The following BEGAIN variants were observed in gnomAD, a reference collection of about 807,000 sequenced individuals.
BEGAIN encodes brain-enriched guanylate kinase-associated protein.
In BEGAIN, 19 loss-of-function variants were observed where a neutral mutation model predicts 35.8. That is an observed-to-expected ratio of 0.53 (90% CI 0.37 to 0.78). BEGAIN has a LOEUF of 0.78. Ranked by LOEUF, BEGAIN falls within the 30% of genes least tolerant of loss-of-function variation. BEGAIN has a pLI of 0.00. For synonymous variants in BEGAIN, 462 were observed against 388.6 expected, an observed-to-expected ratio of 1.19 and a Z score of -2.22; for missense variants, 795 against 853.6, an observed-to-expected ratio of 0.93 and a Z score of 0.85.
intron 1 of BEGAIN, chr14:100,577,190 A>T (rs778256991): frequency 2.3e-5 from 9 of 397,716 alleles, no homozygotes; most frequent in Non-Finnish European, 3.5e-5. Flanking sequence ...TTGGCAATTA[A>T]GGTCTTTCCC....
chr14:100,578,637 A>T (rs1326677371), intron 1 of BEGAIN, among the ~76,000 whole-genome samples: 1 of 152,186 alleles, frequency 6.6e-6, no homozygotes, highest in Admixed American at 6.5e-5. Flanking sequence ...AAAAGATCAG[A>T]CAGCCAGCCT....
chr14:100,582,500 C>T (rs965460080), intron 1 of BEGAIN, among the ~76,000 whole-genome samples: 6 of 152,184 alleles, frequency 3.9e-5, no homozygotes, highest in South Asian at 2.1e-4. Context: ...TCTGGGAATC[C>T]GCACACTTGT....
chr14:100,561,263 C>T (rs564097391), intron 2 of BEGAIN, among the ~76,000 whole-genome samples: 14 of 152,208 alleles, frequency 9.2e-5, no homozygotes, highest in African/African-American at 1.4e-4. Context: ...ATGATGTCAC[C>T]GCCCAAGGGG....
rs780718553 is a variant in BEGAIN, at chr14:100,538,198, C to G, written c.1610G>C (p.Gly537Ala). The change falls in exon 7 of 7, where the codon GGG becomes GCG. Residue 537 changes from glycine (G) to alanine (A), a missense_variant. Gly to Ala is a moderately conservative substitution (Grantham distance 60, BLOSUM62 0). Coordinates refer to ENST00000554140, the MANE Select transcript of BEGAIN (RefSeq NM_001385089.1). The part of the protein sequence containing the change: ...DPLPGYAPSE[G>A]GDGDRLGVQL... ...CACCCCGAGCCTGTCCCCGTCCCCC[C>G]CCTCGCTGGGTGCATAGCCGGGCAG... 110 of 1,553,126 alleles carry G rather than the reference C, an allele frequency of 7.1e-5. No homozygotes were observed. The Middle Eastern group carries it at 4.5e-3, about 64-fold the overall frequency.
At chr14:100,579,313 C>T (rs567040982) in intron 1 of BEGAIN, among the ~76,000 whole-genome samples, 32 of 152,340 alleles carry the variant, frequency 2.1e-4, no homozygotes, top group South Asian at 4.1e-4. Context: ...TGAGCAAGAG[C>T]CTTTGGCACA....
At position 100,538,643 on chromosome 14, in the gene BEGAIN, G is replaced by T. The variant is rs775701649; in HGVS notation, c.1165C>A (p.Arg389=). The change falls in exon 7 of 7, where the codon CGG becomes AGG. Residue 389 remains arginine (R), a synonymous_variant. Coordinates refer to ENST00000554140, the MANE Select transcript of BEGAIN (RefSeq NM_001385089.1). ...LEAEVAPGFG[R]TMSPYPAETF... is the part of the protein sequence containing the mutation. ...TCGGCCGGGTACGGTGACATGGTCC[G>T]CCCGAAGCCTGGGGCCACTTCGGCC... 6.5e-7 allele frequency: 1 copy of T among 1,549,724 alleles called. No individual in the cohort carries two copies. The highest frequency in any genetic ancestry group is 1.2e-5 in the South Asian group (1 of 84,100).
intron 1 of BEGAIN, among the ~76,000 whole-genome samples, chr14:100,572,242 T>C (rs2035100995): frequency 6.6e-6 from 1 of 152,234 alleles, no homozygotes; most frequent in African/African-American, 2.4e-5. Flanking sequence ...TCAGTCCTGC[T>C]GTGGCCCCCA....
At position 100,538,415 on chromosome 14, in the gene BEGAIN, C is replaced by T. The variant is rs1292968898; in HGVS notation, c.1393G>A (p.Glu465Lys). 1 of 1,580,924 alleles carries T rather than the reference C, an allele frequency of 6.3e-7. No individual in the cohort carries two copies. Among genetic ancestry groups the T allele is most frequent in the Admixed American group, 1.9e-5 (1 of 54,008 alleles). The change falls in exon 7 of 7, where the codon GAA becomes AAA. Residue 465 changes from glutamate (E) to lysine (K), a missense_variant. Transcript: ENST00000554140. ...AGRASPCSFS[E>K]RYYGGAGGSP... ...CCCCCGGCCCCGCCGTAGTAGCGTTCAGAGAAGCTGCAGGGTGAGGCGCGG... is the reference window on the plus strand; with the variant it reads ...CCCCCGGCCCCGCCGTAGTAGCGTTTAGAGAAGCTGCAGGGTGAGGCGCGG...
rs2034414619 is a variant in BEGAIN at position 100,563,091 on chromosome 14, C to T, written c.71+4820G>A. 6.6e-6 allele frequency among the ~76,000 whole-genome samples: 1 copy of T among 152,236 alleles called. No individual in the cohort carries two copies. The highest frequency in any genetic ancestry group is 2.1e-4 in the South Asian group (1 of 4,834). On this transcript the variant is annotated intron_variant, in intron 2 of 6. Coordinates refer to ENST00000554140, the MANE Select transcript of BEGAIN (RefSeq NM_001385089.1). This position sits in a 1 kb window ranked among gnomAD's most constrained non-coding sequence, Gnocchi z 4.2. ...AGGACCTTCGAGGCCACCTGCTCTC[C>T]ATCTGTCTCCATCCCTGGGACATCA...
At chr14:100,580,672 G>A (rs1359664918) in intron 1 of BEGAIN, among the ~76,000 whole-genome samples, 1 of 152,128 alleles carries the variant, frequency 6.6e-6, no homozygotes, top group Non-Finnish European at 1.5e-5. Flanking sequence ...TATAGCCCTG[G>A]CCCCCAGCTG....
chr14:100,583,692 C>CTTTTTTTTTTTTTTTTTTTTTTTTT (rs56090356), intron 1 of BEGAIN, among the ~76,000 whole-genome samples: 10 of 108,992 alleles, frequency 9.2e-5, no homozygotes, highest in East Asian at 5.2e-4. Flanking sequence ...GTTTTTCTTC[C>CTTTTTTTTTTTTTTTTTTTTTTTTT]TTTTTTTTTT....
intron 1 of BEGAIN, chr14:100,569,212 G>C (rs996990350): frequency 6.6e-6 from 1 of 152,394 alleles, no homozygotes; most frequent in African/African-American, 2.4e-5. Context: ...GCACCCGCGG[G>C]CTGCGGATCG....
chr14:100,570,419 C>T (rs1228557946), intron 1 of BEGAIN, among the ~76,000 whole-genome samples: 1 of 152,222 alleles, frequency 6.6e-6, no homozygotes, highest in Non-Finnish European at 1.5e-5. Flanking sequence ...TTTGATGCTG[C>T]TGTAGCTCAA....
Position 100,569,955 on chromosome 14 carries a change from C to G in BEGAIN, c.43-2016G>C, listed in dbSNP as rs181025158. On this transcript the variant is annotated intron_variant, in intron 1 of 6. Transcript: ENST00000554140. ...TTACACATCATAGCGCTTCCCACGG[C>G]TCCTCACCACAGCTCTGCCATGGAA... is the stretch of plus-strand genomic sequence containing the variant. Among the ~76,000 whole-genome samples, 919 of 152,288 alleles carry G rather than the reference C, an allele frequency of 6.0e-3. 4 individuals carry two copies. The highest frequency in any genetic ancestry group is 0.01 in the Non-Finnish European group (694 of 68,018).
chr14:100,540,890 A>G (rs1387975712), intron 5 of BEGAIN, among the ~76,000 whole-genome samples: 2 of 152,134 alleles, frequency 1.3e-5, no homozygotes, highest in Non-Finnish European at 2.9e-5. Flanking sequence ...AGGAGCCCCA[A>G]TGGCCCTGAG....
At position 100,543,306 on chromosome 14, in the gene BEGAIN, G is replaced by GTTT. The variant is rs541134086; in HGVS notation, c.408+549_408+551dup. On this transcript the variant is annotated intron_variant, in intron 5 of 6. Coordinates refer to ENST00000554140, the MANE Select transcript of BEGAIN (RefSeq NM_001385089.1). ...CGTGGCCAGAGGTGTTTTTTTTTTT[G>GTTT]TTTTTTTTTTTGCCTGTGTTGTTCA... 9.3e-4 allele frequency among the ~76,000 whole-genome samples: 130 copies of GTTT among 139,744 alleles called. 1 individual carries two copies. The highest frequency in any genetic ancestry group is 3.2e-3 in the African/African-American group (123 of 38,414). The allele number at this position is 139,744 out of a possible 152,430, so 91.7% of individuals were successfully genotyped here.
intron 1 of BEGAIN, among the ~76,000 whole-genome samples, chr14:100,581,445 C>A (rs562583463): frequency 6.6e-6 from 1 of 152,198 alleles, no homozygotes; most frequent in South Asian, 2.1e-4. Context: ...GCCTGGACAA[C>A]CTCTCCTGGA....
intron 2 of BEGAIN, among the ~76,000 whole-genome samples, chr14:100,551,044 C>T (rs1293159953): frequency 2.6e-5 from 4 of 152,172 alleles, no homozygotes; most frequent in East Asian, 3.9e-4. Flanking sequence ...GGGTTCCTGG[C>T]GTGCAGGATT....
chr14:100,577,239 G>T, intron 1 of BEGAIN: 1 of 398,528 alleles, frequency 2.5e-6, no homozygotes, highest in Non-Finnish European at 4.4e-6. Flanking sequence ...GAGGGAACTC[G>T]GAGCAGGTCA....
Sources: allele counts gnomAD v4.1 joint callset (sites outside exome capture counted in the v4.1 genomes callset), GRCh38; gene constraint gnomAD v4.1.1; non-coding constraint Gnocchi (gnomAD v3.1); transcripts MANE v1.5; gene names NCBI Gene and HGNC (gene_info 2026-07-23, HGNC 2026-07-21).